GABRG3: variants seen among roughly 807,000 people sequenced by gnomAD.
The protein encoded by GABRG3 is gamma-aminobutyric acid type A receptor subunit gamma3.
Under a neutral mutation model 48.8 loss-of-function variants are expected in GABRG3, and 25 were observed. The ratio of observed to expected loss-of-function variants is 0.51; its 90% CI spans 0.37 to 0.72. GABRG3 has a LOEUF of 0.72. Ranked by LOEUF, GABRG3 falls within the 30% of genes least tolerant of loss-of-function variation. The pLI is 0.00. For synonymous variants in GABRG3, 227 were observed against 217.6 expected (o/e 1.04, Z -0.38); for missense variants, 394 against 577.9 (o/e 0.68, Z 3.26).
chr15:27,209,288 C>T (rs900066908), intron 3 of GABRG3, among the ~76,000 whole-genome samples: 3 of 152,222 alleles, frequency 2.0e-5, no homozygotes, highest in Non-Finnish European at 4.4e-5. Context: ...TGGCCCCTTT[C>T]TGGGCAATGG....
intron 3 of GABRG3, among the ~76,000 whole-genome samples, chr15:27,063,340 C>T (rs960431476): frequency 2.0e-5 from 3 of 152,206 alleles, no homozygotes; most frequent in Non-Finnish European, 2.9e-5. Flanking sequence ...ATGTTTGTCC[C>T]CTCCAGATCT....
At chr15:27,373,436 G>C (rs1895481332) in intron 5 of GABRG3, among the ~76,000 whole-genome samples, 1 of 152,112 alleles carries the variant, frequency 6.6e-6, no homozygotes, top group Non-Finnish European at 1.5e-5. Flanking sequence ...TCCCTACAGG[G>C]AAATAAACCA....
At chr15:27,505,251 T>C (rs1389412043) in intron 6 of GABRG3, among the ~76,000 whole-genome samples, 1 of 152,174 alleles carries the variant, frequency 6.6e-6, no homozygotes, top group Non-Finnish European at 1.5e-5. Flanking sequence ...TTGTATCACA[T>C]AGGGATTACA....
At chr15:27,276,916 C>T (rs1891273667) in intron 3 of GABRG3, among the ~76,000 whole-genome samples, 1 of 152,208 alleles carries the variant, frequency 6.6e-6, no homozygotes, top group African/African-American at 2.4e-5. Flanking sequence ...TATTCTATAT[C>T]ACTTCTTCCC....
At chr15:27,209,277 ATGGCCCCTTTC>A (rs1480658900) in intron 3 of GABRG3, among the ~76,000 whole-genome samples, 1 of 152,360 alleles carries the variant, frequency 6.6e-6, no homozygotes, top group East Asian at 1.9e-4. Context: ...CACGCAGATG[ATGGCCCCTTTC>A]TGGGCAATGG....
intron 3 of GABRG3, among the ~76,000 whole-genome samples, chr15:27,283,194 C>A (rs1334438578): frequency 6.6e-6 from 1 of 152,144 alleles, no homozygotes; most frequent in East Asian, 1.9e-4. Context: ...TGGTCTCTGC[C>A]AGCACCATGA....
chr15:27,442,320 G>A (rs1323788576), intron 5 of GABRG3, among the ~76,000 whole-genome samples: 1 of 152,232 alleles, frequency 6.6e-6, no homozygotes, highest in Non-Finnish European at 1.5e-5. Context: ...CTCCACAAGA[G>A]GGATGCACTC....
At chr15:27,197,647 G>A (rs1396447569) in intron 3 of GABRG3, among the ~76,000 whole-genome samples, 1 of 152,140 alleles carries the variant, frequency 6.6e-6, no homozygotes, top group East Asian at 1.9e-4. Flanking sequence ...AAAGAATTAA[G>A]GATAAATATT....
At chr15:27,066,259 T>C (rs1196714740) in intron 3 of GABRG3, among the ~76,000 whole-genome samples, 1 of 152,246 alleles carries the variant, frequency 6.6e-6, no homozygotes, top group Non-Finnish European at 1.5e-5. Context: ...CAGTGTATCT[T>C]TTAAGCATCA....
chr15:27,435,668 G>A (rs1399480694), intron 5 of GABRG3, among the ~76,000 whole-genome samples: 1 of 152,124 alleles, frequency 6.6e-6, no homozygotes, highest in African/African-American at 2.4e-5. Context: ...TCTTATCTGG[G>A]TCAAGTAACT....
chr15:27,413,377 C>A (rs1278172189), intron 5 of GABRG3, among the ~76,000 whole-genome samples: 1 of 151,502 alleles, frequency 6.6e-6, no homozygotes, highest in Non-Finnish European at 1.5e-5. Context: ...GTAAAACAAA[C>A]TTCACTAGAA....
chr15:27,493,367 G>T (rs1159356501), intron 6 of GABRG3, among the ~76,000 whole-genome samples: 1 of 151,976 alleles, frequency 6.6e-6, no homozygotes, highest in Non-Finnish European at 1.5e-5. Flanking sequence ...GCTAATATCA[G>T]GTAGATAGCT....
intron 3 of GABRG3, among the ~76,000 whole-genome samples, chr15:27,234,156 TTCTG>T (rs1889886705): frequency 6.6e-6 from 1 of 152,190 alleles, no homozygotes; most frequent in Non-Finnish European, 1.5e-5. Flanking sequence ...ACTACCTCTA[TTCTG>T]TCTAATTCTA....
chr15:27,110,774 G>A (rs1002192795), intron 3 of GABRG3, among the ~76,000 whole-genome samples: 1 of 152,030 alleles, frequency 6.6e-6, no homozygotes, highest in African/African-American at 2.4e-5. Context: ...TTCTATAGGT[G>A]TGGTGTTCCC....
At position 27,388,136 on chromosome 15, in the gene GABRG3, GGGAGGGTAAGGAAGGAAGGAA is replaced by G. The variant is rs1461426167; in HGVS notation, c.574+59250_574+59270del. On this transcript the variant is annotated intron_variant, in intron 5 of 9. Transcript: ENST00000615808. Reference sequence around the variant, plus strand: ...AAGAAGGAAGGAAGGAAAGGAGGGAGGGAGGGTAAGGAAGGAAGGAAGAAAGGAAGGAAGGAAGGAAAGGAG... The same window carrying G: ...AAGAAGGAAGGAAGGAAAGGAGGGAGGAAAGGAAGGAAGGAAGGAAAGGAG... Among the ~76,000 whole-genome samples, 15 of 94,734 alleles carry G rather than the reference GGGAGGGTAAGGAAGGAAGGAA, an allele frequency of 1.6e-4. 1 individual carries two copies. The highest frequency in any genetic ancestry group is 1.5e-3 in the East Asian group (3 of 1,992). The allele number at this position is 94,734 out of a possible 152,430, so 62.1% of individuals were successfully genotyped here. A position where few individuals can be genotyped will look rare whatever the true frequency, so the allele number is the denominator to read the frequency against.
chr15:27,335,914 G>A (rs548844421), intron 5 of GABRG3, among the ~76,000 whole-genome samples: 4 of 152,250 alleles, frequency 2.6e-5, no homozygotes, highest in East Asian at 1.9e-4. Context: ...CAGGCTGGGC[G>A]TGGTGGCTCA....
rs144785723 is a variant in GABRG3, at chr15:27,085,728, T to C, written c.270+58907T>C. Among the ~76,000 whole-genome samples the C allele has an allele frequency of 1.6e-3, 244 of 152,330 alleles. 2 individuals are homozygous for C. The highest frequency in any genetic ancestry group is 5.4e-3 in the African/African-American group (224 of 41,580). ...TTGAATGAAACAACACAGGCCTGCATTGGAGGGAGGTAGCAAGCTTCAGTT... is the reference window on the plus strand; with the variant it reads ...TTGAATGAAACAACACAGGCCTGCACTGGAGGGAGGTAGCAAGCTTCAGTT... On this transcript the variant is annotated intron_variant, in intron 3 of 9. Coordinates refer to ENST00000615808, the MANE Select transcript of GABRG3 (RefSeq NM_033223.5).
At chr15:26,995,467 A>G (rs1895322520) in intron 2 of GABRG3, among the ~76,000 whole-genome samples, 1 of 151,468 alleles carries the variant, frequency 6.6e-6, no homozygotes, top group African/African-American at 2.4e-5. Flanking sequence ...ATATGGTTAG[A>G]CTTAATCTGA....
intron 2 of GABRG3, among the ~76,000 whole-genome samples, chr15:26,999,756 G>T (rs1027902787): frequency 2.0e-5 from 3 of 151,844 alleles, no homozygotes; most frequent in Admixed American, 2.0e-4. Context: ...CACATATTTT[G>T]TGGTGTCTGA....
Sources: allele counts gnomAD v4.1 joint callset (sites outside exome capture counted in the v4.1 genomes callset), GRCh38; gene constraint gnomAD v4.1.1; transcripts MANE v1.5; gene names NCBI Gene and HGNC (gene_info 2026-07-23, HGNC 2026-07-21).